The following MACROD2 variants were observed in gnomAD, a reference collection of about 807,000 sequenced individuals.
MACROD2 encodes mono-ADP ribosylhydrolase 2.
A neutral mutation model predicts 70.4 loss-of-function variants in MACROD2; 36 were observed. The observed-to-expected ratio is 0.51, with a 90% confidence interval of 0.39 to 0.68. The LOEUF is 0.68. Among genes scored for constraint, MACROD2 ranks in the 30% least tolerant of loss-of-function variants. The probability of loss-of-function intolerance (pLI) is 0.00; values close to 1 mark genes in which losing one functional copy is unlikely to be tolerated. For missense variants in MACROD2, 496 were observed against 538.4 expected, an observed-to-expected ratio of 0.92 and a Z score of 0.78; for synonymous variants, 172 against 178.8, an observed-to-expected ratio of 0.96 and a Z score of 0.30.
At chr20:15,229,278 A>G (rs2076938904) in intron 5 of MACROD2, among the ~76,000 whole-genome samples, 1 of 152,218 alleles carries the variant, frequency 6.6e-6, no homozygotes, top group South Asian at 2.1e-4. Flanking sequence ...TTGCATTAAA[A>G]TGTTTGAATG....
At chr20:15,624,897 A>G (rs2049180862) in intron 8 of MACROD2, among the ~76,000 whole-genome samples, 2 of 152,140 alleles carry the variant, frequency 1.3e-5, no homozygotes, top group Non-Finnish European at 2.9e-5. Context: ...GAGCCTACAC[A>G]CCACTATTTA....
intron 3 of MACROD2, among the ~76,000 whole-genome samples, chr20:14,492,168 T>C (rs1031945350): frequency 6.6e-6 from 1 of 152,178 alleles, no homozygotes; most frequent in African/African-American, 2.4e-5. Flanking sequence ...CACACTTACA[T>C]GTGGTAAAGT....
chr20:14,342,121 C>T (rs992910402), intron 3 of MACROD2, among the ~76,000 whole-genome samples: 28 of 152,142 alleles, frequency 1.8e-4, no homozygotes, highest in Non-Finnish European at 3.1e-4. Context: ...GGGGAGATAA[C>T]GCTGGTGAGC....
intron 6 of MACROD2, among the ~76,000 whole-genome samples, chr20:15,319,205 C>G (rs2077846993): frequency 6.6e-6 from 1 of 152,044 alleles, no homozygotes; most frequent in South Asian, 2.1e-4. Flanking sequence ...ATATACTTTT[C>G]TTTAGAATAA....
chr20:14,654,255 A>G (rs1413518027), intron 4 of MACROD2, among the ~76,000 whole-genome samples: 1 of 151,880 alleles, frequency 6.6e-6, no homozygotes, highest in African/African-American at 2.4e-5. Flanking sequence ...TTTTTAAGAA[A>G]TCATTCTTTG....
intron 3 of MACROD2, among the ~76,000 whole-genome samples, chr20:14,193,402 A>G (rs1003641692): frequency 6.6e-6 from 1 of 152,224 alleles, no homozygotes; most frequent in African/African-American, 2.4e-5. Flanking sequence ...GATGTCCACT[A>G]TGGGTATTAT....
At chr20:14,012,474 G>T (rs1020564418) in intron 2 of MACROD2, among the ~76,000 whole-genome samples, 1 of 152,070 alleles carries the variant, frequency 6.6e-6, no homozygotes, top group South Asian at 2.1e-4. Flanking sequence ...CGGACCTGCG[G>T]GCATAGCTGT....
At chr20:15,824,158 C>G (rs881739) in intron 8 of MACROD2, among the ~76,000 whole-genome samples, 57,202 of 151,930 alleles carry the variant, frequency 0.38, 13,423 homozygotes, top group African/African-American at 0.64. Context: ...ACAAGTTACT[C>G]TTACCAAGCT....
intron 15 of MACROD2, among the ~76,000 whole-genome samples, chr20:15,997,153 T>C (rs1349654908): frequency 6.6e-6 from 1 of 152,240 alleles, no homozygotes; most frequent in Admixed American, 6.5e-5. Context: ...TCTGGCTTTT[T>C]TCCTCTTTCT....
At chr20:14,775,965 C>G (rs2072228425) in intron 5 of MACROD2, among the ~76,000 whole-genome samples, 1 of 151,946 alleles carries the variant, frequency 6.6e-6, no homozygotes, top group African/African-American at 2.4e-5. Flanking sequence ...TTCCAGCAGG[C>G]AAATCTTAGT....
chr20:15,802,329 G>C (rs946217633), intron 8 of MACROD2, among the ~76,000 whole-genome samples: 1 of 152,082 alleles, frequency 6.6e-6, no homozygotes, highest in African/African-American at 2.4e-5. Flanking sequence ...CTGTGGGTTT[G>C]TCATATATAG....
At chr20:14,898,467 G>A (rs546801917) in intron 5 of MACROD2, among the ~76,000 whole-genome samples, 7 of 152,236 alleles carry the variant, frequency 4.6e-5, no homozygotes, top group South Asian at 4.2e-4. Context: ...CGTGGCTCAC[G>A]CGTATAATCC....
At chr20:15,892,987 A>T in intron 10 of MACROD2, 1 of 399,004 alleles carries the variant, frequency 2.5e-6, no homozygotes, top group Non-Finnish European at 4.4e-6. Context: ...AAGAAGCCAG[A>T]ATGTTCGAAA....
At chr20:15,300,195 T>A (rs1056079207) in intron 6 of MACROD2, among the ~76,000 whole-genome samples, 8 of 152,230 alleles carry the variant, frequency 5.3e-5, no homozygotes, top group Admixed American at 3.9e-4. Context: ...GGCTTTGCTT[T>A]TGTCTCCATA....
intron 8 of MACROD2, among the ~76,000 whole-genome samples, chr20:15,754,126 G>T (rs2051311962): frequency 1.3e-5 from 2 of 152,142 alleles, no homozygotes; most frequent in South Asian, 4.1e-4. Flanking sequence ...CTATCTTAGT[G>T]CTACAGGCAT....
In MACROD2 at chr20:14,274,965, T is replaced by G. The variant is rs370089582; in HGVS notation, c.271+189237T>G. On this transcript the variant is annotated intron_variant, in intron 3 of 17. Transcript: ENST00000684519. ...GGGATGTGAAGGACCTCTTCAAGGATAACTACAAACCAGCGCTCAATGAAA... is the reference window on the plus strand; with the variant it reads ...GGGATGTGAAGGACCTCTTCAAGGAGAACTACAAACCAGCGCTCAATGAAA... 2.8e-4 allele frequency among the ~76,000 whole-genome samples: 42 copies of G among 152,168 alleles called. No individual in the cohort carries two copies. In the East Asian group the frequency reaches 6.6e-3, roughly 24 times the overall value.
At chr20:14,616,758 A>G (rs1983506457) in intron 4 of MACROD2, among the ~76,000 whole-genome samples, 1 of 152,124 alleles carries the variant, frequency 6.6e-6, no homozygotes. Flanking sequence ...TGATCATCCC[A>G]TAATTTTTCA....
intron 5 of MACROD2, among the ~76,000 whole-genome samples, chr20:14,955,324 A>G (rs2074526529): frequency 6.9e-6 from 1 of 144,424 alleles, no homozygotes; most frequent in Non-Finnish European, 1.5e-5. Flanking sequence ...TATAATTTAT[A>G]TAACATATAC....
chr20:14,197,966 A>C (rs946997013), intron 3 of MACROD2, among the ~76,000 whole-genome samples: 2 of 152,136 alleles, frequency 1.3e-5, no homozygotes, highest in Non-Finnish European at 2.9e-5. Context: ...ATTACATTAC[A>C]AAAAAAAGGT....
Sources: gnomAD v4.1 joint callset for allele counts (sites outside exome capture counted in the v4.1 genomes callset) on GRCh38, gnomAD v4.1.1 for gene constraint, MANE v1.5 for transcripts, NCBI Gene and HGNC (gene_info 2026-07-23, HGNC 2026-07-21) for gene names.